Variants in CELSR1 observed in about 807,000 individuals in gnomAD.
The protein encoded by CELSR1 is cadherin EGF LAG seven-pass G-type receptor 1.
Under a neutral mutation model 249.1 loss-of-function variants are expected in CELSR1, and 110 were observed. The ratio of observed to expected loss-of-function variants is 0.44; its 90% CI spans 0.38 to 0.52. CELSR1 has a LOEUF of 0.52. CELSR1 is among the 20% of genes least tolerant of loss of function. The pLI, the probability that CELSR1 is intolerant of heterozygous loss-of-function variation, is 0.00. For missense variants in CELSR1, 4,109 were observed against 4,296.4 expected (o/e 0.96, Z 1.22); for synonymous variants, 2,113 against 1,900.0 (o/e 1.11, Z -2.92).
chr22:46,454,769 G>A lies in CELSR1; in HGVS notation c.4183+8938C>T, dbSNP rs1158215438. Among the ~76,000 whole-genome samples the A allele has an allele frequency of 3.9e-5, 6 of 152,214 alleles. No individual in the cohort carries two copies. Among genetic ancestry groups the A allele is most frequent in the Non-Finnish European group, 7.3e-5 (5 of 68,044 alleles). On this transcript the variant is annotated intron_variant, in intron 2 of 34. Coordinates refer to ENST00000674500, the MANE Select transcript of CELSR1 (RefSeq NM_001378328.1). This position sits in a 1 kb window ranked among gnomAD's most constrained non-coding sequence, Gnocchi z 5.1. The stretch of plus-strand genomic sequence containing the variant: ...CACCCTGGAGTGGCCCGTGGTCCTC[G>A]CAGACACGCGACAGGCAGGCCAGTG...
chr22:46,488,410 A>G lies in CELSR1; in HGVS notation c.3545-24065T>C, dbSNP rs5768822. ...CTGCTCGCCTACAGCCGGCGAGTGC[A>G]GCACAGGAGGCCACCGTAGTGCCAT... On this transcript the variant is annotated intron_variant, in intron 1 of 34. Transcript: ENST00000674500. The surrounding 1 kb of genome is among the most constrained non-coding windows in gnomAD (Gnocchi z 4.7). Among the ~76,000 whole-genome samples, 80,460 of 152,064 alleles carry G rather than the reference A, an allele frequency of 0.53. 21,785 individuals are homozygous for G. The highest frequency in any genetic ancestry group is 0.64 in the African/African-American group (26,555 of 41,468).
rs1262635308 is a variant in CELSR1, at chr22:46,440,452, G to C, written c.4184-1041C>G. 6.6e-6 allele frequency among the ~76,000 whole-genome samples: 1 copy of C among 152,186 alleles called. No individual in the cohort carries two copies. The highest frequency in any genetic ancestry group is 1.5e-5 in the Non-Finnish European group (1 of 68,044). ...CTAACCTCGTGATCCGCCTGCCTTG[G>C]CCTCCCAAAGTGCTGGGATTACAGG... On this transcript the variant is annotated intron_variant, in intron 2 of 34. Transcript: ENST00000674500. The surrounding 1 kb of genome is among the most constrained non-coding windows in gnomAD (Gnocchi z 4.7).
intron 1 of CELSR1, among the ~76,000 whole-genome samples, chr22:46,503,285 C>G (rs2080483703): frequency 1.3e-5 from 2 of 152,250 alleles, no homozygotes; most frequent in African/African-American, 4.8e-5. Flanking sequence ...GAGATTCAGC[C>G]TCTGCTTCCA....
chr22:46,472,866 A>G lies in CELSR1; in HGVS notation c.3545-8521T>C, dbSNP rs1013099847. ...GCCTCTGCCTCTGCGCCAAGTGGCT[A>G]TGGCTCTCCCTGTGTCGTCACGGCT... On this transcript the variant is annotated intron_variant, in intron 1 of 34. Transcript: ENST00000674500. The surrounding 1 kb of genome is among the most constrained non-coding windows in gnomAD (Gnocchi z 7.0). 7.9e-5 allele frequency among the ~76,000 whole-genome samples: 12 copies of G among 152,094 alleles called. No individual in the cohort carries two copies. Among genetic ancestry groups the G allele is most frequent in the African/African-American group, 2.7e-4 (11 of 41,398 alleles).
Position 46,380,843 on chromosome 22 carries a change from G to A in CELSR1, c.7201C>T (p.Leu2401=), listed in dbSNP as rs139105666. 1 of 1,612,048 alleles carries A rather than the reference G, an allele frequency of 6.2e-7. No homozygotes were observed. The highest frequency in any genetic ancestry group is 1.3e-5 in the African/African-American group (1 of 74,886). ...GGCTTGGTTCGCTCCTCCACCTCCAGCAGGGCGAACTCCACCAGGACGGGC... is the reference window on the plus strand; with the variant it reads ...GGCTTGGTTCGCTCCTCCACCTCCAACAGGGCGAACTCCACCAGGACGGGC... The part of the protein sequence containing the change: ...ERPVLVEFAL[L]EVEERTKPVC... Residue 2401 remains leucine (L), a synonymous_variant, in exon 22 of 35, where the codon CTG becomes TTG. Transcript: ENST00000674500. This position sits in a 1 kb window ranked among gnomAD's most constrained non-coding sequence, Gnocchi z 5.1.
chr22:46,513,699 C>G (rs1031756227), intron 1 of CELSR1, among the ~76,000 whole-genome samples: 3 of 152,130 alleles, frequency 2.0e-5, no homozygotes, highest in Admixed American at 6.6e-5. Flanking sequence ...ATCCCCAGAG[C>G]CAACACTCAC....
At chr22:46,465,748 C>A (rs527476767) in intron 1 of CELSR1, among the ~76,000 whole-genome samples, 2 of 152,242 alleles carry the variant, frequency 1.3e-5, no homozygotes, top group African/African-American at 4.8e-5. Context: ...GCCACAGATG[C>A]GTGCAGGTGC....
rs1227874000 is a variant in CELSR1 at position 46,439,131 on chromosome 22, A to G, written c.4406+58T>C. 4 of 1,490,030 alleles carry G rather than the reference A, an allele frequency of 2.7e-6. No homozygotes were observed. The South Asian group carries it at 4.9e-5, about 18-fold the overall frequency. The allele number at this position is 1,490,030 out of a possible 1,614,324, so 92.3% of individuals were successfully genotyped here. A position where few individuals can be genotyped will look rare whatever the true frequency, so the allele number is the denominator to read the frequency against. ...CGATCTAGAGGGATGGGGTGCACGG[A>G]GAAGCTCGCCCCTTTCCTAAAGAGA... On this transcript the variant is annotated intron_variant, in intron 3 of 34. Transcript: ENST00000674500.
chr22:46,526,263 C>A lies in CELSR1; in HGVS notation c.3544+7364G>T, dbSNP rs1037001516. On this transcript the variant is annotated intron_variant, in intron 1 of 34. Transcript: ENST00000674500. The surrounding 1 kb of genome is among the most constrained non-coding windows in gnomAD (Gnocchi z 4.7). ...CGTCTACGAAGCTTGGCCACAGTAG[C>A]CCTTTGGGAGACAATGAGGAAGACC... Among the ~76,000 whole-genome samples, 2 of 152,202 alleles carry A rather than the reference C, an allele frequency of 1.3e-5. No homozygotes were observed. The highest frequency in any genetic ancestry group is 4.8e-5 in the African/African-American group (2 of 41,436).
At chr22:46,379,483 G>T (rs767910187) in intron 22 of CELSR1, among the ~76,000 whole-genome samples, 1 of 152,242 alleles carries the variant, frequency 6.6e-6, no homozygotes. Context: ...ATTAGAGCTG[G>T]AGCTAATTGC....
chr22:46,536,952 C>T lies in CELSR1; in HGVS notation c.219G>A (p.Leu73=). The T allele has an allele frequency of 8.7e-7, 1 of 1,153,930 alleles. No homozygotes were observed. Among genetic ancestry groups the T allele is most frequent in the Non-Finnish European group, 1.1e-6 (1 of 940,372 alleles). 71.5% of individuals were successfully genotyped at this position (1,153,930 alleles called of 1,614,324 possible). A position where few individuals can be genotyped will look rare whatever the true frequency, so the allele number is the denominator to read the frequency against. The change falls in exon 1 of 35, where the codon CTG becomes CTA. Residue 73 remains leucine, a synonymous_variant. Coordinates refer to ENST00000674500, the MANE Select transcript of CELSR1 (RefSeq NM_001378328.1). ...ELLDVGRDGR[L]AGRRRVSGAG... ...CGCCCGAGACGCGCCGACGTCCTGC[C>T]AGCCGCCCATCGCGGCCCACGTCCA...
At chr22:46,451,151 C>G (rs2079879439) in intron 2 of CELSR1, among the ~76,000 whole-genome samples, 1 of 152,184 alleles carries the variant, frequency 6.6e-6, no homozygotes, top group African/African-American at 2.4e-5. Context: ...CTCCTGGTGA[C>G]TTGCTCTGCA....
rs774843513 is a variant in CELSR1, at chr22:46,512,068, G to A, written c.3544+21559C>T. 6.6e-5 allele frequency among the ~76,000 whole-genome samples: 10 copies of A among 151,818 alleles called. No individual in the cohort carries two copies. Among genetic ancestry groups the A allele is most frequent in the Non-Finnish European group, 1.3e-4 (9 of 67,944 alleles). ...AGGTTCTGGGGTCCTGAAGTGCCCC[G>A]AGCCCACCCCCAGATCCCAGCCCAG... is the stretch of plus-strand genomic sequence containing the variant. On this transcript the variant is annotated intron_variant, in intron 1 of 34. Coordinates refer to ENST00000674500, the MANE Select transcript of CELSR1 (RefSeq NM_001378328.1). This position sits in a 1 kb window ranked among gnomAD's most constrained non-coding sequence, Gnocchi z 5.2.
chr22:46,429,389 C>T lies in CELSR1; in HGVS notation c.4611+4004G>A, dbSNP rs1489663776. On this transcript the variant is annotated intron_variant, in intron 5 of 34. Transcript: ENST00000674500. This position sits in a 1 kb window ranked among gnomAD's most constrained non-coding sequence, Gnocchi z 4.1. ...AAACCAGCCTGGGGTGAAGCAACGA[C>T]TGAAAATGCTCCACTCGGCCCCAAA... 6.6e-6 allele frequency among the ~76,000 whole-genome samples: 1 copy of T among 152,192 alleles called. No homozygotes were observed. Among genetic ancestry groups the T allele is most frequent in the Non-Finnish European group, 1.5e-5 (1 of 68,040 alleles).
rs756713978 is a variant in CELSR1, at chr22:46,391,913, G to C, written c.5965-97C>G. ...GAGCGACGTCCAGACTCCCACCCGG[G>C]TGTGTGTGTTGGCCGCCAGCCATCC... is the stretch of plus-strand genomic sequence containing the variant. On this transcript the variant is annotated intron_variant, in intron 14 of 34. Transcript: ENST00000674500. This position sits in a 1 kb window ranked among gnomAD's most constrained non-coding sequence, Gnocchi z 4.3. 3 of 1,326,640 alleles carry C rather than the reference G, an allele frequency of 2.3e-6. No homozygotes were observed. The highest frequency in any genetic ancestry group is 5.1e-5 in the East Asian group (2 of 39,598). 82.2% of individuals were successfully genotyped at this position (1,326,640 alleles called of 1,614,324 possible).
In CELSR1 at chr22:46,378,680, C is replaced by G; in HGVS notation, c.7294G>C (p.Glu2432Gln). ...TGTGTCCGGTTCCTGGACAGGAGCT[C>G]GCAGCCCCGGGCAGACCACCCTCCC... ...GTGGWSARGC[E>Q]LLSRNRTHVA... The change falls in exon 23 of 35, where the codon GAG (glutamate) becomes CAG (glutamine). Residue 2432 changes from glutamate to glutamine, a missense_variant. Glu to Gln is a conservative substitution (Grantham distance 29). This residue lies in a region of CELSR1 where 1,805 missense variants were observed against 1,831.6 expected (regional missense o/e 0.99). Coordinates refer to ENST00000674500, the MANE Select transcript of CELSR1 (RefSeq NM_001378328.1). 1 of 1,611,996 alleles carries G rather than the reference C, an allele frequency of 6.2e-7. No individual in the cohort carries two copies. The highest frequency in any genetic ancestry group is 8.5e-7 in the Non-Finnish European group (1 of 1,179,692).
rs866670747 is a variant in CELSR1, at chr22:46,399,609, C to G, written c.5412+108G>C. On this transcript the variant is annotated intron_variant, in intron 10 of 34. Transcript: ENST00000674500. This position sits in a 1 kb window ranked among gnomAD's most constrained non-coding sequence, Gnocchi z 5.0. ...TGCGGGGACCCAGAAAGTGCCTCCC[C>G]AAATCCACAAGGTCTCTGGTGGGTC... 1.7e-6 allele frequency: 2 copies of G among 1,193,946 alleles called. No individual in the cohort carries two copies. The highest frequency in any genetic ancestry group is 2.0e-5 in the Admixed American group (1 of 50,370). 74.0% of individuals were successfully genotyped at this position (1,193,946 alleles called of 1,614,324 possible). A position where few individuals can be genotyped will look rare whatever the true frequency, so the allele number is the denominator to read the frequency against.
At position 46,407,347 on chromosome 22, in the gene CELSR1, G is replaced by A. The variant is rs1418910388; in HGVS notation, c.5226+1649C>T. Among the ~76,000 whole-genome samples the A allele has an allele frequency of 1.3e-5, 2 of 152,090 alleles. No individual in the cohort carries two copies. Among genetic ancestry groups the A allele is most frequent in the African/African-American group, 2.4e-5 (1 of 41,414 alleles). On this transcript the variant is annotated intron_variant, in intron 9 of 34. Transcript: ENST00000674500. The surrounding 1 kb of genome is among the most constrained non-coding windows in gnomAD (Gnocchi z 4.8). ...TATGCGCACACACACACACAAACTT[G>A]GAGAAAAGCATAAGAGTCACATCTG...
chr22:46,391,596 C>T lies in CELSR1; in HGVS notation c.6148+37G>A, dbSNP rs752648516. The T allele has an allele frequency of 2.4e-5, 37 of 1,540,852 alleles. No individual in the cohort carries two copies. The highest frequency in any genetic ancestry group is 4.9e-5 in the South Asian group (4 of 81,046). On this transcript the variant is annotated intron_variant, in intron 15 of 34. Coordinates refer to ENST00000674500, the MANE Select transcript of CELSR1 (RefSeq NM_001378328.1). The surrounding 1 kb of genome is among the most constrained non-coding windows in gnomAD (Gnocchi z 4.3). ...ACGCCAGTGCAGCAGCCTGTCCCCG[C>T]GCTGTAACCTGCAGGGTGTCGAGGG...
Sources: allele counts gnomAD v4.1 joint callset (sites outside exome capture counted in the v4.1 genomes callset), GRCh38; gene constraint gnomAD v4.1.1; regional missense constraint gnomAD v4.1.1; non-coding constraint Gnocchi (gnomAD v3.1); transcripts MANE v1.5; gene names NCBI Gene and HGNC (gene_info 2026-07-23, HGNC 2026-07-21).